Variants in GALNT13 observed in about 807,000 individuals in gnomAD.
The protein encoded by GALNT13 is UDP-GalNAc:polypeptide N-acetylgalactosaminyltransferase 13.
GALNT13 carries 28 observed loss-of-function variants against 64.2 expected under a neutral mutation model. The ratio of observed to expected loss-of-function variants is 0.44; its 90% CI spans 0.32 to 0.60. GALNT13 has a LOEUF of 0.60. Ranked by LOEUF, GALNT13 falls within the 20% of genes least tolerant of loss-of-function variation. The pLI is 0.05. For synonymous variants in GALNT13, 214 were observed against 224.6 expected, an observed-to-expected ratio of 0.95 and a Z score of 0.42; for missense variants, 577 against 669.8, an observed-to-expected ratio of 0.86 and a Z score of 1.53.
At chr2:154,405,196 T>A (rs799757) in intron 10 of GALNT13, among the ~76,000 whole-genome samples, 3 of 152,048 alleles carry the variant, frequency 2.0e-5, no homozygotes, top group Non-Finnish European at 2.9e-5. Flanking sequence ...AACTGAAATG[T>A]GCAAGTATAA....
chr2:154,448,224 A>G (rs1172821003), intron 12 of GALNT13, among the ~76,000 whole-genome samples: 1 of 152,042 alleles, frequency 6.6e-6, no homozygotes, highest in African/African-American at 2.4e-5. Flanking sequence ...TAGTATATAT[A>G]TGCAATTTAT....
intron 1 of GALNT13, among the ~76,000 whole-genome samples, chr2:153,884,823 A>G (rs1235295123): frequency 0.014 from 1,467 of 106,396 alleles, 39 homozygotes; most frequent in African/African-American, 0.056. Flanking sequence ...GTGTGTGTAT[A>G]TATATGTGTG....
chr2:153,157,303 GCCA>G, the GALNT13 span, among the ~76,000 whole-genome samples: 1 of 152,182 alleles, frequency 6.6e-6, no homozygotes. Context: ...AAATATCAAA[GCCA>G]CTGTCTCTGC....
At chr2:153,760,002 A>G in the GALNT13 span, among the ~76,000 whole-genome samples, 8 of 151,920 alleles carry the variant, frequency 5.3e-5, no homozygotes, top group Admixed American at 4.6e-4. Context: ...CTATTTCTTC[A>G]TGATTCAGAC....
At chr2:154,004,588 T>C (rs554980283) in intron 3 of GALNT13, among the ~76,000 whole-genome samples, 1 of 152,328 alleles carries the variant, frequency 6.6e-6, no homozygotes, top group South Asian at 2.1e-4. Context: ...CCTTTCTTAC[T>C]ACATATTGTA....
chr2:154,418,421 C>A (rs1249367182), intron 11 of GALNT13, among the ~76,000 whole-genome samples: 1 of 152,052 alleles, frequency 6.6e-6, no homozygotes, highest in Non-Finnish European at 1.5e-5. Context: ...ATCTAGATAG[C>A]CGCGCTACCA....
chr2:153,251,219 C>A, the GALNT13 span, among the ~76,000 whole-genome samples: 1 of 152,070 alleles, frequency 6.6e-6, no homozygotes, highest in African/African-American at 2.4e-5. Flanking sequence ...GTATATGTTA[C>A]AAAATTATGG....
At chr2:154,098,782 A>T (rs1702199374) in intron 3 of GALNT13, among the ~76,000 whole-genome samples, 1 of 152,096 alleles carries the variant, frequency 6.6e-6, no homozygotes, top group Admixed American at 6.6e-5. Flanking sequence ...GTAGTGTTCC[A>T]TGGGGTATAT....
the GALNT13 span, chr2:153,356,394 G>T: frequency 3.3e-5 from 5 of 152,208 alleles, no homozygotes; most frequent in African/African-American, 1.2e-4. Flanking sequence ...TCAGTTTTAT[G>T]TCAATGTAGT....
intron 4 of GALNT13, among the ~76,000 whole-genome samples, chr2:154,162,594 AGAG>A: frequency 6.6e-6 from 1 of 152,246 alleles, no homozygotes; most frequent in South Asian, 2.1e-4. Flanking sequence ...GGGGGTAGAC[AGAG>A]ATAGGGTCTT....
At chr2:154,115,666 C>T (rs532591042) in intron 3 of GALNT13, among the ~76,000 whole-genome samples, 5 of 152,156 alleles carry the variant, frequency 3.3e-5, no homozygotes, top group Admixed American at 3.3e-4. Flanking sequence ...GGTGATCTGC[C>T]CGTCTCAGCC....
chr2:153,852,538 A>G, the GALNT13 span, among the ~76,000 whole-genome samples: 1 of 152,236 alleles, frequency 6.6e-6, no homozygotes, highest in African/African-American at 2.4e-5. Flanking sequence ...TAAATGAGAA[A>G]TAGACAAATT....
At chr2:153,330,320 G>C in the GALNT13 span, among the ~76,000 whole-genome samples, 1 of 152,124 alleles carries the variant, frequency 6.6e-6, no homozygotes, top group Non-Finnish European at 1.5e-5. Context: ...GAAAAATGAT[G>C]TTGGTAGTTT....
At chr2:154,130,773 A>G (rs924875622) in intron 3 of GALNT13, among the ~76,000 whole-genome samples, 1 of 152,180 alleles carries the variant, frequency 6.6e-6, no homozygotes, top group African/African-American at 2.4e-5. Flanking sequence ...AAGTGAGTAT[A>G]TTTTTCAAAC....
intron 12 of GALNT13, among the ~76,000 whole-genome samples, chr2:154,446,982 T>TG (rs1484158552): frequency 4.2e-5 from 5 of 119,616 alleles, no homozygotes; most frequent in South Asian, 3.0e-4. Flanking sequence ...GGGGTTTTTT[T>TG]GTTTTTTTTC....
At chr2:154,245,187 G>A (rs1030184175) in intron 6 of GALNT13, among the ~76,000 whole-genome samples, 3 of 145,628 alleles carry the variant, frequency 2.1e-5, no homozygotes, top group African/African-American at 5.5e-5. Context: ...CCTATCTTAA[G>A]CTATCATCTA....
chr2:154,162,234 C>T (rs140031365), intron 4 of GALNT13, among the ~76,000 whole-genome samples: 664 of 152,302 alleles, frequency 4.4e-3, no homozygotes, highest in African/African-American at 0.015. Flanking sequence ...AAAAGAACCA[C>T]CAACTTGTGT....
At chr2:153,817,669 A>G in the GALNT13 span, among the ~76,000 whole-genome samples, 1 of 152,154 alleles carries the variant, frequency 6.6e-6, no homozygotes, top group East Asian at 1.9e-4. Context: ...TGGCCCCTAA[A>G]CTTATTACCA....
chr2:154,022,802 G>A (rs185281779), intron 3 of GALNT13, among the ~76,000 whole-genome samples: 2,074 of 150,360 alleles, frequency 0.014, 40 homozygotes, highest in African/African-American at 0.047. Context: ...TGTCAATTTG[G>A]GATCTTTCCT....
Sources: allele counts gnomAD v4.1 joint callset (sites outside exome capture counted in the v4.1 genomes callset), GRCh38; gene constraint gnomAD v4.1.1; transcripts MANE v1.5; gene names NCBI Gene and HGNC (gene_info 2026-07-23, HGNC 2026-07-21).